The following IGFBPL1 variants were observed in gnomAD, a reference collection of about 807,000 sequenced individuals.
IGFBPL1 encodes insulin like growth factor binding protein like 1, also known as insulin-like growth factor-binding protein-like 1.
Under a neutral mutation model 23.9 loss-of-function variants are expected in IGFBPL1, and 20 were observed. That is an observed-to-expected ratio of 0.84 (90% confidence interval 0.59 to 1.22). The LOEUF (loss-of-function observed/expected upper bound fraction) is 1.22, where lower values mean the gene tolerates loss of function less well. Ranked by LOEUF, IGFBPL1 falls within the 50% of genes most tolerant of loss-of-function variation. IGFBPL1 has a pLI of 0.00. For missense variants in IGFBPL1, 436 were observed against 379.3 expected, an observed-to-expected ratio of 1.15 and a Z score of -1.24; for synonymous variants, 184 against 171.8, an observed-to-expected ratio of 1.07 and a Z score of -0.56.
intron 3 of IGFBPL1, 76 bp from the exon 4 acceptor site, chr9:38,411,625 T>C: frequency 8.0e-7 from 1 of 1,256,028 alleles, no homozygotes; most frequent in South Asian, 1.3e-5. Flanking sequence ...TTCTTAATGA[T>C]AAGTCTGCAC....
At chr9:38,410,132 C>T (rs902152643) in intron 4 of IGFBPL1, among the ~76,000 whole-genome samples, 6 of 152,154 alleles carry the variant, frequency 3.9e-5, no homozygotes, top group Admixed American at 2.0e-4. Flanking sequence ...CTATTAAGCA[C>T]CTGTTGATCA....
At chr9:38,420,733 A>G (rs1247878616) in intron 1 of IGFBPL1, among the ~76,000 whole-genome samples, 4 of 152,200 alleles carry the variant, frequency 2.6e-5, no homozygotes, top group African/African-American at 9.6e-5. Context: ...GCTACTCTGG[A>G]GGCTGAGGCA....
chr9:38,414,579 G>A (rs148495845), intron 1 of IGFBPL1, among the ~76,000 whole-genome samples: 62 of 152,290 alleles, frequency 4.1e-4, no homozygotes, highest in African/African-American at 1.4e-3. Flanking sequence ...AGAGGGGCTG[G>A]TGTCACGCCA....
chr9:38,423,472 G>A (rs1821710486), intron 1 of IGFBPL1, among the ~76,000 whole-genome samples: 1 of 152,008 alleles, frequency 6.6e-6, no homozygotes, highest in Non-Finnish European at 1.5e-5. Context: ...CGGGGGCCCT[G>A]GTGCTCTGGT....
In IGFBPL1 at chr9:38,410,063, T is replaced by C. The variant is rs867870996; in HGVS notation, c.*10-846A>G. 1.1e-4 allele frequency among the ~76,000 whole-genome samples: 17 copies of C among 152,200 alleles called. 1 individual carries two copies. The highest frequency in any genetic ancestry group is 7.9e-4 in the Admixed American group (12 of 15,284). On this transcript the variant is annotated intron_variant, in intron 4 of 4. Coordinates refer to ENST00000377694, the MANE Select transcript of IGFBPL1 (RefSeq NM_001007563.3). The stretch of plus-strand genomic sequence containing the variant: ...TGAAAGAATAATATAACTAAAACCA[T>C]GGCAAAATCCCCCTGCTTTTGAGAA...
chr9:38,407,940 T>A lies in IGFBPL1; in HGVS notation c.*1287A>T, dbSNP rs1305670913. Among the ~76,000 whole-genome samples the A allele has an allele frequency of 7.5e-6, 1 of 133,224 alleles. No homozygotes were observed. The highest frequency in any genetic ancestry group is 7.6e-5 in the Admixed American group (1 of 13,086). The allele number at this position is 133,224 out of a possible 152,430, so 87.4% of individuals were successfully genotyped here. ...ATAAGATAGCAAATATTCTCCTTTC[T>A]TTTTTCATTAAAAAAGAAAAAAAAG... On this transcript the variant is annotated 3_prime_UTR_variant, in exon 5 of 5. Coordinates refer to ENST00000377694, the MANE Select transcript of IGFBPL1 (RefSeq NM_001007563.3).
Position 38,424,266 on chromosome 9 carries a change from C to T in IGFBPL1, c.159G>A (p.Pro53=), listed in dbSNP as rs1216049607. 8 of 1,228,036 alleles carry T rather than the reference C, an allele frequency of 6.5e-6. No individual in the cohort carries two copies. In the South Asian group the frequency reaches 9.5e-5, roughly 15 times the overall value. The allele number at this position is 1,228,036 out of a possible 1,614,324, so 76.1% of individuals were successfully genotyped here. The change falls in exon 1 of 5, where the codon CCG becomes CCA. Residue 53 remains proline (P), a synonymous_variant. Transcript: ENST00000377694. ...PEGCPAPAPC[P]APGISALDEC... is the part of the protein sequence containing the mutation. ...CGTCGAGCGCCGAGATCCCGGGCGC[C>T]GGGCAGGGCGCAGGCGCCGGGCAGC...
At chr9:38,410,348 T>C (rs1202496598) in intron 4 of IGFBPL1, among the ~76,000 whole-genome samples, 1 of 152,028 alleles carries the variant, frequency 6.6e-6, no homozygotes, top group Non-Finnish European at 1.5e-5. Flanking sequence ...CCAGGTGTGG[T>C]GGCGGGTGCC....
chr9:38,414,190 G>A lies in IGFBPL1; in HGVS notation c.474C>T (p.Val158=), dbSNP rs1337603364. Residue 158 remains valine (V), a synonymous_variant, in exon 2 of 5, where the codon GTC becomes GTT. Coordinates refer to ENST00000377694, the MANE Select transcript of IGFBPL1 (RefSeq NM_001007563.3). The stretch of plus-strand genomic sequence containing the variant: ...CGTTGTGAACACTTCGGGGAGGAAC[G>A]ACGACCACAGGAGCTAGGAGGAGGA... ...DGPCEFAPVV[V]VPPRSVHNVT... The A allele has an allele frequency of 6.9e-6, 11 of 1,602,428 alleles. No homozygotes were observed. The highest frequency in any genetic ancestry group is 2.3e-5 in the South Asian group (2 of 88,654).
At chr9:38,420,080 G>A (rs1311778524) in intron 1 of IGFBPL1, among the ~76,000 whole-genome samples, 1 of 152,088 alleles carries the variant, frequency 6.6e-6, no homozygotes, top group Non-Finnish European at 1.5e-5. Context: ...TTGTAGAGAT[G>A]GGATCTTGCT....
chr9:38,411,260 A>C (rs985844855), intron 4 of IGFBPL1, 131 bp downstream of exon 4: 31 of 702,926 alleles, frequency 4.4e-5, no homozygotes, highest in Non-Finnish European at 6.1e-5. Flanking sequence ...GTATGTCCCT[A>C]CTCTTCTTTT....
intron 1 of IGFBPL1, among the ~76,000 whole-genome samples, chr9:38,416,082 A>C (rs1821596045): frequency 6.6e-6 from 1 of 152,098 alleles, no homozygotes; most frequent in South Asian, 2.1e-4. Context: ...AAGACAGTCT[A>C]ATTTATTCAC....
intron 1 of IGFBPL1, among the ~76,000 whole-genome samples, chr9:38,415,516 C>T (rs1821587820): frequency 2.6e-5 from 4 of 152,172 alleles, no homozygotes; most frequent in Admixed American, 2.6e-4. Flanking sequence ...GACTGGGAAG[C>T]AGACCCTGTC....
intron 1 of IGFBPL1, among the ~76,000 whole-genome samples, chr9:38,416,047 G>A (rs948600719): frequency 1.3e-5 from 2 of 152,082 alleles, no homozygotes; most frequent in African/African-American, 4.8e-5. Flanking sequence ...TGAGCTCTCC[G>A]GCAGGAGCCC....
At chr9:38,411,614 G>C in intron 3 of IGFBPL1, 65 bp from the exon 4 acceptor site, 3 of 1,353,708 alleles carry the variant, frequency 2.2e-6, no homozygotes, top group South Asian at 1.2e-5. Context: ...TCCTTAGTTA[G>C]TTCTTAATGA....
At chr9:38,420,704 G>A (rs1052376210) in intron 1 of IGFBPL1, among the ~76,000 whole-genome samples, 2 of 152,210 alleles carry the variant, frequency 1.3e-5, no homozygotes, top group Non-Finnish European at 2.9e-5. Flanking sequence ...AGGCGTGGTG[G>A]TGGGCGCCTG....
In IGFBPL1 at chr9:38,409,933, C is replaced by T. The variant is rs375831567; in HGVS notation, c.*10-716G>A. Among the ~76,000 whole-genome samples the T allele has an allele frequency of 7.2e-5, 11 of 152,314 alleles. No individual in the cohort carries two copies. In the South Asian group the frequency reaches 2.1e-3, roughly 29 times the overall value. ...CTTAATATCTCCTCCCATTCCCTTA[C>T]ATCGCACTCCTTGTATTATAATTAT... is the stretch of plus-strand genomic sequence containing the variant. On this transcript the variant is annotated intron_variant, in intron 4 of 4. Transcript: ENST00000377694.
Position 38,424,453 on chromosome 9 carries a change from C to T in IGFBPL1, c.-29G>A. On this transcript the variant is annotated 5_prime_UTR_variant, in exon 1 of 5. Coordinates refer to ENST00000377694, the MANE Select transcript of IGFBPL1 (RefSeq NM_001007563.3). ...TTGCTCCGGGACAGCGGCGGCGCCT[C>T]TGCTTCGCGCTCCGCTCCGCGCCCG... 8.4e-6 allele frequency: 4 copies of T among 474,830 alleles called. No individual in the cohort carries two copies. Among genetic ancestry groups the T allele is most frequent in the Non-Finnish European group, 1.5e-5 (4 of 266,022 alleles). 29.4% of individuals were successfully genotyped at this position (474,830 alleles called of 1,614,324 possible).
chr9:38,410,324 T>C (rs1420436186), intron 4 of IGFBPL1, among the ~76,000 whole-genome samples: 4 of 150,650 alleles, frequency 2.7e-5, no homozygotes, highest in Admixed American at 6.7e-5. Flanking sequence ...CTACTAAAAA[T>C]ACAAAAAAAT....
Sources: allele counts gnomAD v4.1 joint callset (sites outside exome capture counted in the v4.1 genomes callset), GRCh38; gene constraint gnomAD v4.1.1; transcripts MANE v1.5; gene names NCBI Gene and HGNC (gene_info 2026-07-23, HGNC 2026-07-21).